Variants in TET2 observed in about 807,000 individuals in gnomAD.
TET2 encodes tet methylcytosine dioxygenase 2, also known as methylcytosine dioxygenase TET2.
TET2 carries 299 observed loss-of-function variants against 142.9 expected under a neutral mutation model. The observed-to-expected ratio is 2.09, with a 90% CI of 1.90 to 2.30. The LOEUF is 2.30. Ranked by LOEUF, TET2 falls within the 30% of genes most tolerant of loss-of-function variation. TET2 has a pLI of 0.00. For synonymous variants in TET2, 819 were observed against 849.0 expected, an observed-to-expected ratio of 0.96 and a Z score of 0.61; for missense variants, 2,418 against 2,378.0, an observed-to-expected ratio of 1.02 and a Z score of -0.35.
At chr4:105,241,462 G>A (rs1186334646) in intron 4 of TET2, 33 bp downstream of exon 4, 7 of 1,526,906 alleles carry the variant, frequency 4.6e-6, no homozygotes, top group East Asian at 4.9e-5. Flanking sequence ...GCAGATTAAC[G>A]TTTATCCTTT....
chr4:105,261,707 A>G lies in TET2; in HGVS notation c.3955-52A>G, dbSNP rs528773144. On this transcript the variant is annotated intron_variant, in intron 7 of 10. Transcript: ENST00000380013. ...TAATCTAACTGATAGTCTCTTTTAC[A>G]TAGAGAAAATGGACTTAGAATTTAA... 130 of 1,147,194 alleles carry G rather than the reference A, an allele frequency of 1.1e-4. No individual in the cohort carries two copies. The African/African-American group carries it at 1.7e-3, about 15-fold the overall frequency. The allele number at this position is 1,147,194 out of a possible 1,614,324, so 71.1% of individuals were successfully genotyped here.
chr4:105,215,702 T>C (rs1205718370), intron 2 of TET2, among the ~76,000 whole-genome samples: 1 of 152,066 alleles, frequency 6.6e-6, no homozygotes, highest in East Asian at 1.9e-4. Flanking sequence ...ATCAGCCAGT[T>C]TTTTTTTCCC....
At chr4:105,220,370 C>T (rs188217065) in intron 2 of TET2, among the ~76,000 whole-genome samples, 3 of 152,118 alleles carry the variant, frequency 2.0e-5, no homozygotes, top group African/African-American at 4.8e-5. Context: ...ATAATTTTTA[C>T]AGCACCTTTT....
At chr4:105,191,103 T>G (rs73836050) in intron 2 of TET2, among the ~76,000 whole-genome samples, 3,732 of 152,262 alleles carry the variant, frequency 0.025, 159 homozygotes, top group African/African-American at 0.086. Context: ...CCCAGGCTGC[T>G]CTGAAACTCC....
At chr4:105,187,817 A>T (rs1019840993) in intron 1 of TET2, among the ~76,000 whole-genome samples, 1 of 152,104 alleles carries the variant, frequency 6.6e-6, no homozygotes, top group Non-Finnish European at 1.5e-5. Flanking sequence ...ACCACTTCAC[A>T]CTCACTGGGA....
At chr4:105,158,385 T>C (rs1723670077) in intron 1 of TET2, among the ~76,000 whole-genome samples, 1 of 152,318 alleles carries the variant, frequency 6.6e-6, no homozygotes, top group East Asian at 1.9e-4. Context: ...GTTTAAGGAA[T>C]GGAGTTTACT....
intron 2 of TET2, among the ~76,000 whole-genome samples, chr4:105,231,842 T>C (rs1160280155): frequency 5.3e-5 from 8 of 152,220 alleles, no homozygotes; most frequent in Non-Finnish European, 1.2e-4. Context: ...TTCTCTATTA[T>C]TGGGACTCTG....
intron 2 of TET2, among the ~76,000 whole-genome samples, chr4:105,221,022 C>T (rs1727786179): frequency 1.3e-5 from 2 of 152,070 alleles, no homozygotes; most frequent in Admixed American, 1.3e-4. Context: ...GGACAACCAG[C>T]TCACAATTAT....
At chr4:105,206,462 G>A (rs545983142) in intron 2 of TET2, among the ~76,000 whole-genome samples, 2 of 152,322 alleles carry the variant, frequency 1.3e-5, no homozygotes, top group Admixed American at 6.5e-5. Flanking sequence ...TGGTACAAAC[G>A]TGGAGGGCTT....
chr4:105,153,319 G>A (rs1723404295), intron 1 of TET2, among the ~76,000 whole-genome samples: 1 of 152,082 alleles, frequency 6.6e-6, no homozygotes, highest in African/African-American at 2.4e-5. Context: ...ACTCATTTGT[G>A]TGTGTTTTGT....
chr4:105,171,730 A>G (rs2110417879), intron 1 of TET2: 1 of 152,330 alleles, frequency 6.6e-6, no homozygotes, highest in African/African-American at 2.4e-5. Flanking sequence ...ACAATATAGT[A>G]CCTGGGATGG....
At chr4:105,204,234 T>TGC (rs1553948996) in intron 2 of TET2, among the ~76,000 whole-genome samples, 2 of 125,968 alleles carry the variant, frequency 1.6e-5, no homozygotes, top group African/African-American at 5.8e-5. Flanking sequence ...AAAAAATATA[T>TGC]ACACACACAC....
chr4:105,263,742 T>G (rs1055291601), intron 8 of TET2, among the ~76,000 whole-genome samples: 2 of 152,068 alleles, frequency 1.3e-5, no homozygotes, highest in African/African-American at 4.8e-5. Context: ...AAGTAGAGAT[T>G]ATAAAGAGGA....
intron 6 of TET2, among the ~76,000 whole-genome samples, chr4:105,258,144 T>A (rs1730234466): frequency 6.6e-6 from 1 of 152,156 alleles, no homozygotes; most frequent in Non-Finnish European, 1.5e-5. Flanking sequence ...ATCCTGTCTT[T>A]TTTTCCCTTG....
intron 8 of TET2, among the ~76,000 whole-genome samples, chr4:105,262,869 G>A (rs1053117894): frequency 9.5e-5 from 14 of 146,986 alleles, no homozygotes; most frequent in Admixed American, 2.0e-4. Flanking sequence ...CAACAAGAGC[G>A]AAACTCCATC....
chr4:105,163,301 G>C (rs895834927), intron 1 of TET2, among the ~76,000 whole-genome samples: 2 of 152,032 alleles, frequency 1.3e-5, no homozygotes, highest in Non-Finnish European at 1.5e-5. Flanking sequence ...TTGCCACCTG[G>C]ATTGCCACCA....
rs1249697091 is a variant in TET2, at chr4:105,235,651, CT to C, written c.1710del (p.Arg571ValfsTer9). Reference protein sequence around the residue: ...LKPGWIELKAPRFHQAESHLK... With the variant: ...LKPGWIELKAXRFHQAESHLK... Reference sequence around the variant, plus strand: ...CCAGGATGGATTGAATTGAAGGCCCCTCGTTTTCACCAAGCGGAATCCCATC... The same window carrying C: ...CCAGGATGGATTGAATTGAAGGCCCCCGTTTTCACCAAGCGGAATCCCATC... On this transcript the variant is annotated frameshift_variant, in exon 3 of 11. Transcript: ENST00000380013. LOFTEE classifies it high-confidence loss of function. 6.2e-7 allele frequency: 1 copy of C among 1,614,142 alleles called. No individual in the cohort carries two copies. The highest frequency in any genetic ancestry group is 1.1e-5 in the South Asian group (1 of 91,080).
chr4:105,204,022 G>A lies in TET2; in HGVS notation c.-47+13517G>A, dbSNP rs185029389. Among the ~76,000 whole-genome samples the A allele has an allele frequency of 1.3e-3, 197 of 151,970 alleles. 4 individuals are homozygous for A. The East Asian group carries it at 0.037, about 28-fold the overall frequency. On this transcript the variant is annotated intron_variant, in intron 2 of 10. Coordinates refer to ENST00000380013, the MANE Select transcript of TET2 (RefSeq NM_001127208.3). ...TTGAGACCAGCCTAGCCAATATGGC[G>A]AAACCCTCTCTACTAAAAATACAAA... is the stretch of plus-strand genomic sequence containing the variant.
rs540890679 is a variant in TET2, at chr4:105,237,226, G to A, written c.3284G>A (p.Arg1095Lys). The A allele has an allele frequency of 1.5e-4, 244 of 1,613,986 alleles. 5 individuals are homozygous for A. In the South Asian group the frequency reaches 2.3e-3, roughly 16 times the overall value. The change falls in exon 3 of 11, where the codon AGA (arginine) becomes AAA (lysine). Residue 1095 changes from arginine to lysine, a missense_variant. Transcript: ENST00000380013. ...TCTTCAGAAAAGACACCAACCAAAA[G>A]AACAGCTGCTTCTGTTCTCAATAAT... ...TTSSEKTPTKRTAASVLNNFI... is the reference protein window; with the variant it reads ...TTSSEKTPTKKTAASVLNNFI...
Sources: allele counts gnomAD v4.1 joint callset (sites outside exome capture counted in the v4.1 genomes callset), GRCh38; gene constraint gnomAD v4.1.1; transcripts MANE v1.5; gene names NCBI Gene and HGNC (gene_info 2026-07-23, HGNC 2026-07-21).